Variants in CAMK2A observed in about 807,000 individuals in gnomAD.
CAMK2A encodes calcium/calmodulin-dependent protein kinase type II subunit alpha.
Under a neutral mutation model 79.2 loss-of-function variants are expected in CAMK2A, and 7 were observed. The observed-to-expected ratio is 0.09, with a 90% confidence interval of 0.05 to 0.17. The LOEUF (loss-of-function observed/expected upper bound fraction) is 0.17. Ranked by LOEUF, CAMK2A falls within the 10% of genes least tolerant of loss-of-function variation. CAMK2A has a pLI of 1.00. For missense variants in CAMK2A, 214 were observed against 646.4 expected, an observed-to-expected ratio of 0.33 and a Z score of 7.25; for synonymous variants, 242 against 251.7, an observed-to-expected ratio of 0.96 and a Z score of 0.36.
chr5:150,275,666 A>ATG (rs1756915497), intron 1 of CAMK2A, among the ~76,000 whole-genome samples: 1 of 152,158 alleles, frequency 6.6e-6, no homozygotes, highest in African/African-American at 2.4e-5. Context: ...CCAGTTGTGC[A>ATG]TGTGTGTGTG....
chr5:150,239,813 G>T, intron 13 of CAMK2A, 77 bp from the exon 14 acceptor site: 2 of 1,250,812 alleles, frequency 1.6e-6, no homozygotes, highest in Non-Finnish European at 2.4e-6. Context: ...AACGACAGGG[G>T]AGGTTTGGGA....
At chr5:150,254,593 T>C (rs527523671) in intron 6 of CAMK2A, among the ~76,000 whole-genome samples, 35 of 152,274 alleles carry the variant, frequency 2.3e-4, no homozygotes, top group African/African-American at 8.4e-4. Context: ...TGCTTTGCAC[T>C]GGCTCAGCCT....
At chr5:150,249,891 C>A (rs929591681) in intron 11 of CAMK2A, among the ~76,000 whole-genome samples, 2 of 152,170 alleles carry the variant, frequency 1.3e-5, no homozygotes, top group Non-Finnish European at 2.9e-5. Flanking sequence ...ACCTGCTTAT[C>A]CTCCAAGGTC....
chr5:150,248,219 G>T (rs573810276), intron 11 of CAMK2A, among the ~76,000 whole-genome samples: 2 of 151,474 alleles, frequency 1.3e-5, no homozygotes, highest in Admixed American at 1.3e-4. Context: ...CCTCTGCCCC[G>T]TGCTGAGAGC....
At chr5:150,237,904 G>C (rs764754481) in intron 15 of CAMK2A, among the ~76,000 whole-genome samples, 10 of 152,130 alleles carry the variant, frequency 6.6e-5, no homozygotes, top group Non-Finnish European at 1.0e-4. Flanking sequence ...TTTGAGGACT[G>C]CTGGCCACTA....
At chr5:150,253,350 G>C in intron 7 of CAMK2A, 94 bp downstream of exon 7, 1 of 1,008,936 alleles carries the variant, frequency 9.9e-7, no homozygotes, top group Non-Finnish European at 1.6e-6. Context: ...AGCATCTCCA[G>C]CCATACCCAC....
At chr5:150,251,229 T>C (rs1186491270) in intron 9 of CAMK2A, among the ~76,000 whole-genome samples, 2 of 152,234 alleles carry the variant, frequency 1.3e-5, no homozygotes, top group East Asian at 3.8e-4. Flanking sequence ...GCTTAATAGC[T>C]ATCTGCATAA....
chr5:150,289,745 C>T lies in CAMK2A; in HGVS notation c.-120G>A. 1 of 740,084 alleles carries T rather than the reference C, an allele frequency of 1.4e-6. No homozygotes were observed. Among genetic ancestry groups the T allele is most frequent in the South Asian group, 1.8e-5 (1 of 56,434 alleles). 45.8% of individuals were successfully genotyped at this position (740,084 alleles called of 1,614,324 possible). A position where few individuals can be genotyped will look rare whatever the true frequency, so the allele number is the denominator to read the frequency against. On this transcript the variant is annotated 5_prime_UTR_variant, in exon 1 of 19. Transcript: ENST00000671881. The stretch of plus-strand genomic sequence containing the variant: ...CGTGCTGCCGAGTGCAAACAGAGAA[C>T]CGGTTTGACTGACGAGCCCGGGGCT...
At chr5:150,289,502 C>T in intron 1 of CAMK2A, 62 bp downstream of exon 1, 7 of 1,286,240 alleles carry the variant, frequency 5.4e-6, no homozygotes, top group Non-Finnish European at 1.1e-6. Context: ...ACACACACCC[C>T]ACTAGAGACC....
upstream of CAMK2A, chr5:150,289,921 C>T (rs1022773677): frequency 4.9e-5 from 23 of 464,978 alleles, no homozygotes; most frequent in Admixed American, 3.5e-4. Flanking sequence ...AACCTGCTCT[C>T]GGACGCCCTG....
chr5:150,268,648 C>T (rs1756612121), intron 2 of CAMK2A, among the ~76,000 whole-genome samples: 2 of 152,218 alleles, frequency 1.3e-5, no homozygotes, highest in African/African-American at 2.4e-5. Flanking sequence ...TGCCACGTTC[C>T]CAGGGCGTGG....
chr5:150,223,204 G>A lies in CAMK2A; in HGVS notation c.1251C>T (p.Asn417=), dbSNP rs1754422442. 1 of 1,613,564 alleles carries A rather than the reference G, an allele frequency of 6.2e-7. No individual in the cohort carries two copies. Among genetic ancestry groups the A allele is most frequent in the Non-Finnish European group, 8.5e-7 (1 of 1,180,010 alleles). ...GGATGGTGGTGTGCACGGGCTTGCT[G>A]TTCCGGGACCACACTGGAGGAGGGG... is the stretch of plus-strand genomic sequence containing the variant. The part of the protein sequence containing the change: ...RFYFENLWSR[N]SKPVHTTILN... The change falls in exon 18 of 19, where the codon AAC becomes AAT. Residue 417 remains asparagine (N), a synonymous_variant. Coordinates refer to ENST00000671881, the MANE Select transcript of CAMK2A (RefSeq NM_015981.4). This position sits in a 1 kb window ranked among gnomAD's most constrained non-coding sequence, Gnocchi z 4.1.
chr5:150,255,279 T>C (rs903345254), intron 6 of CAMK2A, among the ~76,000 whole-genome samples: 1 of 152,154 alleles, frequency 6.6e-6, no homozygotes, highest in African/African-American at 2.4e-5. Context: ...ACTCGTCTCA[T>C]CTAGACTGAG....
chr5:150,226,417 C>T (rs1754598985), intron 17 of CAMK2A, among the ~76,000 whole-genome samples: 1 of 152,122 alleles, frequency 6.6e-6, no homozygotes, highest in South Asian at 2.1e-4. Flanking sequence ...TTGCCATTCA[C>T]AAGTGCCACT....
At position 150,265,338 on chromosome 5, in the gene CAMK2A, G is replaced by A. The variant is rs10476934; in HGVS notation, c.158-323C>T. On this transcript the variant is annotated intron_variant, in intron 2 of 18. Transcript: ENST00000671881. ...TATACTCTAGCCAGACTAAATGGCC[G>A]ACTTCACCTCTACAAGCAGATCCCG... 2,235 of 280,172 alleles carry A rather than the reference G, an allele frequency of 8.0e-3. 53 individuals are homozygous for A. The highest frequency in any genetic ancestry group is 0.044 in the African/African-American group (2,084 of 46,842). 17.4% of individuals were successfully genotyped at this position (280,172 alleles called of 1,614,324 possible).
At chr5:150,226,652 G>C (rs545822571) in intron 17 of CAMK2A, among the ~76,000 whole-genome samples, 17 of 137,448 alleles carry the variant, frequency 1.2e-4, no homozygotes, top group African/African-American at 4.5e-4. Context: ...CAGGAGAATT[G>C]CTTGAACCCA....
chr5:150,289,984 C>A, upstream of CAMK2A: 1 of 253,152 alleles, frequency 4.0e-6, no homozygotes, highest in Non-Finnish European at 7.6e-6. Context: ...GTGGGATGGA[C>A]CCAGCACCCC....
chr5:150,231,464 A>G, intron 15 of CAMK2A, 84 bp from the exon 16 acceptor site: 4 of 597,320 alleles, frequency 6.7e-6, no homozygotes, highest in Non-Finnish European at 1.0e-5. Flanking sequence ...ATGAAGCACC[A>G]ACTACCATTT....
chr5:150,265,044 C>T (rs1327950047), intron 2 of CAMK2A, 29 bp from the exon 3 acceptor site: 57 of 1,558,548 alleles, frequency 3.7e-5, no homozygotes, highest in Non-Finnish European at 4.7e-5. Context: ...TGTGAGTCCC[C>T]GGTGAGGAAG....
Sources: allele counts gnomAD v4.1 joint callset (sites outside exome capture counted in the v4.1 genomes callset), GRCh38; gene constraint gnomAD v4.1.1; non-coding constraint Gnocchi (gnomAD v3.1); transcripts MANE v1.5; gene names NCBI Gene and HGNC (gene_info 2026-07-23, HGNC 2026-07-21).